Variants in TMEM132B observed in about 807,000 individuals in gnomAD.
TMEM132B encodes the protein transmembrane protein 132B.
In TMEM132B, 18 loss-of-function variants were observed where a neutral mutation model predicts 90.8. The ratio of observed to expected loss-of-function variants is 0.20; its 90% CI spans 0.14 to 0.29. TMEM132B has a LOEUF of 0.29. TMEM132B is among the 10% of genes least tolerant of loss of function. The probability of loss-of-function intolerance (pLI) is 1.00; values close to 1 mark genes in which losing one functional copy is unlikely to be tolerated. For missense variants in TMEM132B, 1,096 were observed against 1,326.8 expected (o/e 0.83, Z 2.70); for synonymous variants, 504 against 523.3 (o/e 0.96, Z 0.50).
intron 1 of TMEM132B, among the ~76,000 whole-genome samples, chr12:125,191,171 G>A (rs1872778705): frequency 7.0e-6 from 1 of 143,210 alleles, no homozygotes; most frequent in Non-Finnish European, 1.5e-5. Context: ...AAGGGGTGGT[G>A]GTGGTGATGG....
chr12:125,369,453 A>C (rs1433077946), intron 2 of TMEM132B, among the ~76,000 whole-genome samples: 2 of 152,234 alleles, frequency 1.3e-5, no homozygotes, highest in East Asian at 3.8e-4. Flanking sequence ...GTTTGATAAT[A>C]ATAACTGAAG....
At chr12:125,238,012 C>G (rs1206740570) in intron 1 of TMEM132B, among the ~76,000 whole-genome samples, 3 of 152,180 alleles carry the variant, frequency 2.0e-5, no homozygotes, top group African/African-American at 4.8e-5. Flanking sequence ...GAGAAGGTCA[C>G]AAAAGCCCAA....
intron 3 of TMEM132B, among the ~76,000 whole-genome samples, chr12:125,481,124 A>G (rs920963508): frequency 6.6e-6 from 1 of 152,240 alleles, no homozygotes; most frequent in Non-Finnish European, 1.5e-5. Context: ...GATAAGAGCT[A>G]TTTATGACAA....
At chr12:125,336,949 G>C (rs1206818536) in intron 1 of TMEM132B, among the ~76,000 whole-genome samples, 2 of 152,166 alleles carry the variant, frequency 1.3e-5, no homozygotes, top group Non-Finnish European at 2.9e-5. Flanking sequence ...AATATAAATG[G>C]AAATTATAAC....
intron 1 of TMEM132B, among the ~76,000 whole-genome samples, chr12:125,308,910 T>C (rs539558027): frequency 3.9e-5 from 6 of 152,212 alleles, no homozygotes; most frequent in Non-Finnish European, 8.8e-5. Flanking sequence ...ATGAACAATA[T>C]ATTATTCTTG....
chr12:125,582,387 A>T (rs767611583), intron 4 of TMEM132B, among the ~76,000 whole-genome samples: 6 of 152,068 alleles, frequency 3.9e-5, no homozygotes, highest in Non-Finnish European at 8.8e-5. Context: ...CCGACTATAG[A>T]ATCCACATAG....
At chr12:125,275,244 T>C (rs1338815192) in intron 1 of TMEM132B, among the ~76,000 whole-genome samples, 1 of 152,196 alleles carries the variant, frequency 6.6e-6, no homozygotes, top group African/African-American at 2.4e-5. Flanking sequence ...GATTCAGCTT[T>C]TTTTGTTATT....
At chr12:125,237,214 G>C (rs1873956605) in intron 1 of TMEM132B, among the ~76,000 whole-genome samples, 1 of 152,150 alleles carries the variant, frequency 6.6e-6, no homozygotes, top group Non-Finnish European at 1.5e-5. Flanking sequence ...GAGGTTGTTA[G>C]CATCCTGGGG....
chr12:125,506,719 A>G (rs1263164637), intron 3 of TMEM132B, among the ~76,000 whole-genome samples: 1 of 152,256 alleles, frequency 6.6e-6, no homozygotes, highest in Non-Finnish European at 1.5e-5. Flanking sequence ...CATCTCTGAC[A>G]TCAACATGAT....
At chr12:125,254,830 C>T (rs759039177) in intron 1 of TMEM132B, among the ~76,000 whole-genome samples, 1 of 151,822 alleles carries the variant, frequency 6.6e-6, no homozygotes, top group African/African-American at 2.4e-5. Flanking sequence ...ATTACAGGTG[C>T]CTGCCACCAC....
rs1335574427 is a variant in TMEM132B, at chr12:125,614,322, G to A, written c.1438-29754G>A. On this transcript the variant is annotated intron_variant, in intron 5 of 8. Coordinates refer to ENST00000682704, the MANE Select transcript of TMEM132B (RefSeq NM_001366854.1). ...TCTGTTCTCTTACTTATGTCCACGT[G>A]TGCTCAATGTTTAGTTGCCACTTAT... Among the ~76,000 whole-genome samples, 6 of 152,234 alleles carry A rather than the reference G, an allele frequency of 3.9e-5. No individual in the cohort carries two copies. The East Asian group carries it at 1.2e-3, about 29-fold the overall frequency.
At position 125,497,470 on chromosome 12, in the gene TMEM132B, A is replaced by G. The variant is rs751792476; in HGVS notation, c.1107-21969A>G. The stretch of plus-strand genomic sequence containing the variant: ...TATCCTTACAGGCTTCCAAGGTTCC[A>G]TACTTTATTCCAGGAGATTTATAAA... On this transcript the variant is annotated intron_variant, in intron 3 of 8. Transcript: ENST00000682704. 2.6e-5 allele frequency among the ~76,000 whole-genome samples: 4 copies of G among 152,292 alleles called. No individual in the cohort carries two copies. In the South Asian group the frequency reaches 6.2e-4, roughly 24 times the overall value.
chr12:125,325,679 G>A (rs1443618321), intron 1 of TMEM132B, among the ~76,000 whole-genome samples: 1 of 41,558 alleles, frequency 2.4e-5, no homozygotes, highest in Non-Finnish European at 4.2e-5. Context: ...CTGTGTGTGT[G>A]TGTGTGTGTG....
At chr12:125,579,260 G>A (rs574667607) in intron 4 of TMEM132B, among the ~76,000 whole-genome samples, 5 of 151,324 alleles carry the variant, frequency 3.3e-5, no homozygotes, top group African/African-American at 4.8e-5. Flanking sequence ...TTTCCATTTC[G>A]GCTATTGCAC....
chr12:125,189,850 G>A (rs965597587), intron 1 of TMEM132B, among the ~76,000 whole-genome samples: 2 of 152,146 alleles, frequency 1.3e-5, no homozygotes, highest in East Asian at 3.9e-4. Flanking sequence ...CCTTTCAGGG[G>A]CCTTGTTCCC....
At chr12:125,470,738 C>CT (rs1264484511) in intron 3 of TMEM132B, among the ~76,000 whole-genome samples, 4 of 152,168 alleles carry the variant, frequency 2.6e-5, no homozygotes, top group African/African-American at 9.7e-5. Flanking sequence ...GGGGTCACTC[C>CT]TGGGGGGTTT....
chr12:125,583,704 G>A (rs1885111075), intron 4 of TMEM132B, 147 bp from the exon 5 acceptor site: 3 of 956,948 alleles, frequency 3.1e-6, no homozygotes, highest in Non-Finnish European at 4.8e-6. Context: ...TCCATTTTGT[G>A]TGAGCTTTGT....
intron 5 of TMEM132B, among the ~76,000 whole-genome samples, chr12:125,606,920 A>G (rs11614364): frequency 0.36 from 55,150 of 152,040 alleles, 10,302 homozygotes; most frequent in African/African-American, 0.43. Context: ...GATTATCCCC[A>G]AACCAATCAG....
intron 1 of TMEM132B, among the ~76,000 whole-genome samples, chr12:125,312,865 T>C (rs1876155554): frequency 6.6e-6 from 1 of 152,138 alleles, no homozygotes; most frequent in Non-Finnish European, 1.5e-5. Context: ...GATGAGGGTG[T>C]CTAGAATGGG....
Sources: gnomAD v4.1 joint callset for allele counts (sites outside exome capture counted in the v4.1 genomes callset) on GRCh38, gnomAD v4.1.1 for gene constraint, MANE v1.5 for transcripts, NCBI Gene and HGNC (gene_info 2026-07-23, HGNC 2026-07-21) for gene names.